MAGEB6B: variants seen among roughly 807,000 people sequenced by gnomAD.
MAGEB6B encodes MAGE family member B6B, also known as melanoma-associated antigen B6B.
For missense variants in MAGEB6B, 277 were observed against 251.5 expected, an observed-to-expected ratio of 1.10 and a Z score of -0.69; for synonymous variants, 107 against 102.3, an observed-to-expected ratio of 1.05 and a Z score of -0.27.
Position 26,161,173 on chromosome X carries a change from C to T in MAGEB6B, c.573C>T (p.Asp191=), listed in dbSNP as rs755484263. Reference sequence around the variant, plus strand: ...GAGCTGCGTTCTTTACAACCACAGACGGAGATCCTATAAAAAGGAAGGCAA... The same window carrying T: ...GAGCTGCGTTCTTTACAACCACAGATGGAGATCCTATAAAAAGGAAGGCAA... Residue 191 remains aspartate (D), a synonymous_variant, in exon 1 of 1, where the codon GAC becomes GAT. Transcript: ENST00000416929. The T allele has an allele frequency of 2.2e-5, 17 of 761,493 alleles. No individual in the cohort carries two copies. The African/African-American group carries it at 2.7e-4, about 12-fold the overall frequency. The allele number at this position is 761,493 out of a possible 1,213,427, so 62.8% of individuals were successfully genotyped here. A position where few individuals can be genotyped will look rare whatever the true frequency, so the allele number is the denominator to read the frequency against.
At chrX:26,160,815 A>C (rs1259895736) in exon 1 of MAGEB6B, 15 of 609,013 alleles carry the variant, frequency 2.5e-5, no homozygotes, top group African/African-American at 1.4e-4. Context: ...CCCACTGGCT[A>C]TCCTGATGCA....
At chrX:26,161,663 T>C in exon 1 of MAGEB6B, 1 of 1,211,970 alleles carries the variant, frequency 8.3e-7, no homozygotes, top group Non-Finnish European at 1.1e-6. Flanking sequence ...TCCTCCATGC[T>C]ATGAGTTCCT....
chrX:26,161,103 T>C lies in MAGEB6B; in HGVS notation c.503T>C (p.Val168Ala), dbSNP rs753423771. 3 of 1,078,890 alleles carry C rather than the reference T, an allele frequency of 2.8e-6. No individual in the cohort carries two copies. In the African/African-American group the frequency reaches 5.5e-5, roughly 20 times the overall value. The allele number at this position is 1,078,890 out of a possible 1,213,427, so 88.9% of individuals were successfully genotyped here. The change falls in exon 1 of 1, where the codon GTG (valine) becomes GCG (alanine). Residue 168 changes from valine to alanine, a missense_variant. Coordinates refer to ENST00000416929, the Ensembl canonical transcript of MAGEB6B. ...GATGTTTCAGGCTCAAAATCTGATG[T>C]GGCTGCCAAGGGTCAAGATGAGGAA...
At chrX:26,161,921 T>A (rs1296018856), downstream of MAGEB6B, 5 of 866,253 alleles carry the variant, frequency 5.8e-6, no homozygotes, top group Non-Finnish European at 6.6e-6. Flanking sequence ...GAATTTTCGC[T>A]TTATGTTAGA....
At chrX:26,161,672 C>T (rs765598196) in exon 1 of MAGEB6B, 109 of 1,210,096 alleles carry the variant, frequency 9.0e-5, no homozygotes, top group Non-Finnish European at 1.1e-4. Context: ...CTATGAGTTC[C>T]TGTGGGGTCC....
chrX:26,161,941 T>C (rs1928696609), downstream of MAGEB6B: 1 of 690,081 alleles, frequency 1.4e-6, no homozygotes, highest in Non-Finnish European at 2.2e-6. Context: ...AAGAGAGTAG[T>C]GAGCCTTCTA....
exon 1 of MAGEB6B, chrX:26,160,749 G>A: frequency 1.7e-6 from 1 of 577,796 alleles, no homozygotes; most frequent in Non-Finnish European, 3.2e-6. Context: ...GTTTGTCAGG[G>A]TGCTCGTCGT....
At chrX:26,161,353 A>G (rs760617451) in exon 1 of MAGEB6B, 6 of 672,028 alleles carry the variant, frequency 8.9e-6, no homozygotes, top group Admixed American at 4.4e-5. Context: ...TTGGCGTTGA[A>G]TTGAAAGAAA....
chrX:26,161,179 T>G, exon 1 of MAGEB6B: 1 of 768,386 alleles, frequency 1.3e-6, no homozygotes, highest in Non-Finnish European at 2.0e-6. Flanking sequence ...CAGACGGAGA[T>G]CCTATAAAAA....
At chrX:26,160,923 G>T (rs1215144312) in exon 1 of MAGEB6B, 2 of 610,283 alleles carry the variant, frequency 3.3e-6, no homozygotes, top group Non-Finnish European at 2.9e-6. Context: ...GAGTCTCAGG[G>T]AGCTTCACCC....
Sources: gnomAD v4.1 joint callset for allele counts on GRCh38, gnomAD v4.1.1 for gene constraint, MANE v1.5 for transcripts, NCBI Gene and HGNC (gene_info 2026-07-23, HGNC 2026-07-21) for gene names.